Variants in RIGI observed in about 807,000 individuals in gnomAD.
RIGI encodes RNA sensor RIG-I.
chr9:32,485,477 G>C, the RIGI span: 1 of 625,740 alleles, frequency 1.6e-6, no homozygotes. Flanking sequence ...GCTCCCTGTT[G>C]CTTCTTGTAC....
At chr9:32,458,831 T>C in the RIGI span, among the ~76,000 whole-genome samples, 1 of 152,110 alleles carries the variant, frequency 6.6e-6, no homozygotes, top group South Asian at 2.1e-4. Flanking sequence ...CTTTCTCTAG[T>C]TGTATCCTTT....
the RIGI span, among the ~76,000 whole-genome samples, chr9:32,501,212 T>TA: frequency 7.1e-5 from 10 of 140,202 alleles, no homozygotes; most frequent in Non-Finnish European, 1.2e-4. Context: ...TGAAGATGTG[T>TA]AAAAAAATCT....
the RIGI span, chr9:32,455,920 C>T: frequency 1.3e-5 from 2 of 152,178 alleles, no homozygotes; most frequent in East Asian, 3.9e-4. Context: ...CCCGCCTGCA[C>T]CACTGCTCAC....
At chr9:32,468,665 TA>T in the RIGI span, among the ~76,000 whole-genome samples, 2,691 of 142,794 alleles carry the variant, frequency 0.019, 82 homozygotes, top group African/African-American at 0.06. Context: ...GACTCTATCT[TA>T]AAAAAAAAAA....
chr9:32,469,805 G>A, the RIGI span, among the ~76,000 whole-genome samples: 1 of 152,152 alleles, frequency 6.6e-6, no homozygotes, highest in African/African-American at 2.4e-5. Flanking sequence ...AACAATATGC[G>A]CACTTCAAAC....
chr9:32,489,729 G>A, the RIGI span, among the ~76,000 whole-genome samples: 2 of 151,716 alleles, frequency 1.3e-5, no homozygotes. Context: ...AAGAAAGAAT[G>A]GCCCCATTCA....
chr9:32,467,263 AC>A, the RIGI span, among the ~76,000 whole-genome samples: 1 of 152,196 alleles, frequency 6.6e-6, no homozygotes, highest in African/African-American at 2.4e-5. Flanking sequence ...AAATTGGGGA[AC>A]CACTGGTGTT....
the RIGI span, among the ~76,000 whole-genome samples, chr9:32,515,624 G>A: frequency 6.6e-6 from 1 of 152,100 alleles, no homozygotes; most frequent in Non-Finnish European, 1.5e-5. Flanking sequence ...CAAAAGAACT[G>A]CCTACATTTA....
the RIGI span, among the ~76,000 whole-genome samples, chr9:32,478,075 C>A: frequency 6.6e-6 from 1 of 150,774 alleles, no homozygotes; most frequent in Non-Finnish European, 1.5e-5. Context: ...GAGATGGAGT[C>A]TCCTGGCACT....
At chr9:32,457,720 C>A in the RIGI span, among the ~76,000 whole-genome samples, 1 of 152,060 alleles carries the variant, frequency 6.6e-6, no homozygotes, top group Non-Finnish European at 1.5e-5. Flanking sequence ...ACTCATTATT[C>A]AAAAACAGAA....
chr9:32,473,003 A>G, the RIGI span: 1 of 1,610,472 alleles, frequency 6.2e-7, no homozygotes, highest in Non-Finnish European at 8.5e-7. Flanking sequence ...TGCCACGTCC[A>G]GTCAATATGC....
chr9:32,484,384 G>A, the RIGI span, among the ~76,000 whole-genome samples: 4 of 152,114 alleles, frequency 2.6e-5, no homozygotes, highest in Non-Finnish European at 5.9e-5. Flanking sequence ...GACACTCCAT[G>A]AGGTGTCTTA....
chr9:32,479,869 T>C, the RIGI span, among the ~76,000 whole-genome samples: 3 of 151,396 alleles, frequency 2.0e-5, no homozygotes, highest in African/African-American at 7.3e-5. Flanking sequence ...TAAATTATGG[T>C]TTTTTTAATA....
At chr9:32,463,610 C>G in the RIGI span, among the ~76,000 whole-genome samples, 5 of 152,114 alleles carry the variant, frequency 3.3e-5, no homozygotes. Flanking sequence ...AAAACTATTA[C>G]AGCTATACTT....
the RIGI span, chr9:32,488,685 A>T: frequency 6.8e-7 from 1 of 1,469,230 alleles, no homozygotes; most frequent in African/African-American, 1.4e-5. Flanking sequence ...AAAACACATC[A>T]ATTACATGAA....
the RIGI span, chr9:32,457,184 A>C: frequency 1.2e-6 from 2 of 1,614,040 alleles, no homozygotes; most frequent in Non-Finnish European, 1.7e-6. Context: ...TTCCACTTCG[A>C]GTACAGTGTC....
At chr9:32,505,101 T>C in the RIGI span, among the ~76,000 whole-genome samples, 1 of 145,976 alleles carries the variant, frequency 6.9e-6, no homozygotes, top group Admixed American at 7.0e-5. Context: ...AGATACAATA[T>C]ATATGTCACA....
the RIGI span, chr9:32,487,747 A>G: frequency 7.6e-7 from 1 of 1,317,468 alleles, no homozygotes; most frequent in Non-Finnish European, 1.0e-6. Context: ...TTACTAACAC[A>G]CAGTGTATGG....
the RIGI span, among the ~76,000 whole-genome samples, chr9:32,484,722 T>C: frequency 5.9e-5 from 9 of 152,182 alleles, 1 homozygote; most frequent in South Asian, 4.1e-4. Flanking sequence ...TTTTCCCCAT[T>C]GTTTTTAGGA....
Sources: gnomAD v4.1 joint callset for allele counts (sites outside exome capture counted in the v4.1 genomes callset) on GRCh38, gnomAD v4.1.1 for gene constraint, MANE v1.5 for transcripts, NCBI Gene and HGNC (gene_info 2026-07-23, HGNC 2026-07-21) for gene names.